Variants in MGAT4C observed in about 807,000 individuals in gnomAD.
MGAT4C encodes the protein MGAT4 family member C, also known as alpha-1,3-mannosyl-glycoprotein 4-beta-N-acetylglucosaminyltransferase C.
In MGAT4C, 19 loss-of-function variants were observed where a neutral mutation model predicts 40.1. That is an observed-to-expected ratio of 0.47 (90% CI 0.33 to 0.70). The LOEUF is 0.70. Among genes scored for constraint, MGAT4C ranks in the 30% least tolerant of loss-of-function variants. The probability of loss-of-function intolerance (pLI) is 0.02; values close to 1 mark genes in which losing one functional copy is unlikely to be tolerated. For synonymous variants in MGAT4C, 181 were observed against 187.1 expected, an observed-to-expected ratio of 0.97 and a Z score of 0.27; for missense variants, 491 against 563.2, an observed-to-expected ratio of 0.87 and a Z score of 1.30.
At chr12:86,580,333 C>A (rs990579567) in intron 2 of MGAT4C, among the ~76,000 whole-genome samples, 3 of 151,478 alleles carry the variant, frequency 2.0e-5, no homozygotes, top group African/African-American at 2.4e-5. Context: ...TATATTCCCT[C>A]TCTCTAGATT....
At chr12:86,727,382 G>T (rs1334008320) in intron 1 of MGAT4C, 1 of 152,006 alleles carries the variant, frequency 6.6e-6, no homozygotes, top group East Asian at 1.9e-4. Flanking sequence ...GTAGAGGAGT[G>T]TATATTTATC....
At chr12:86,396,920 T>A (rs1237363931) in intron 3 of MGAT4C, among the ~76,000 whole-genome samples, 1 of 8,548 alleles carries the variant, frequency 1.2e-4, no homozygotes, top group Non-Finnish European at 2.0e-4. Flanking sequence ...CTTCTTCTTT[T>A]TTCTTAATAC....
intron 2 of MGAT4C, among the ~76,000 whole-genome samples, chr12:86,589,968 A>G (rs1392385960): frequency 1.3e-5 from 2 of 151,952 alleles, no homozygotes; most frequent in African/African-American, 4.8e-5. Context: ...CAAAATACAA[A>G]ATGTAAACAT....
chr12:86,147,281 G>A (rs938099181), intron 1 of MGAT4C, among the ~76,000 whole-genome samples: 6 of 151,632 alleles, frequency 4.0e-5, no homozygotes, highest in East Asian at 1.9e-4. Context: ...TCGCTCTGTC[G>A]CCCAGGCTGG....
chr12:86,450,715 T>C (rs1266533089), intron 2 of MGAT4C, among the ~76,000 whole-genome samples: 4 of 151,974 alleles, frequency 2.6e-5, no homozygotes, highest in African/African-American at 9.7e-5. Context: ...CTTTTTCTAT[T>C]TTTCCTTCCT....
intron 1 of MGAT4C, among the ~76,000 whole-genome samples, chr12:86,248,218 C>G (rs1375460529): frequency 6.7e-6 from 1 of 149,358 alleles, no homozygotes; most frequent in Non-Finnish European, 1.5e-5. Context: ...TTCCTTCCTT[C>G]CTTCCTTCCT....
intron 2 of MGAT4C, among the ~76,000 whole-genome samples, chr12:86,537,460 T>C (rs1274419309): frequency 6.6e-6 from 1 of 152,014 alleles, no homozygotes; most frequent in Non-Finnish European, 1.5e-5. Flanking sequence ...ATACACAGTA[T>C]TGATAGTAAC....
chr12:86,678,778 C>A (rs1593106824), intron 2 of MGAT4C, among the ~76,000 whole-genome samples: 2 of 152,006 alleles, frequency 1.3e-5, no homozygotes, highest in Admixed American at 1.3e-4. Flanking sequence ...TTTATGGCTG[C>A]ATAGTATTCC....
At chr12:86,603,740 AC>A (rs1413963590) in intron 2 of MGAT4C, among the ~76,000 whole-genome samples, 1 of 132,546 alleles carries the variant, frequency 7.5e-6, no homozygotes, top group Non-Finnish European at 1.6e-5. Context: ...AATTATATAT[AC>A]TATATATTAT....
At chr12:86,187,090 C>T (rs934637704) in intron 1 of MGAT4C, among the ~76,000 whole-genome samples, 1 of 151,970 alleles carries the variant, frequency 6.6e-6, no homozygotes, top group Admixed American at 6.6e-5. Context: ...TTTTTTCATG[C>T]TCTATACGAG....
At chr12:86,770,836 G>C (rs1356317087) in intron 1 of MGAT4C, among the ~76,000 whole-genome samples, 1 of 152,040 alleles carries the variant, frequency 6.6e-6, no homozygotes, top group Non-Finnish European at 1.5e-5. Context: ...TGTTTTTCTA[G>C]AAATCTTTAG....
intron 1 of MGAT4C, among the ~76,000 whole-genome samples, chr12:86,809,085 G>A (rs1352544365): frequency 1.3e-5 from 2 of 151,970 alleles, no homozygotes; most frequent in Non-Finnish European, 2.9e-5. Flanking sequence ...GGGACATGAA[G>A]GACCTCTTCA....
chr12:86,109,100 T>C (rs1468417413), intron 1 of MGAT4C, among the ~76,000 whole-genome samples: 1 of 152,166 alleles, frequency 6.6e-6, no homozygotes, highest in Non-Finnish European at 1.5e-5. Context: ...AAATCAGCAC[T>C]ATTGATCATC....
intron 3 of MGAT4C, among the ~76,000 whole-genome samples, chr12:85,984,087 A>G (rs1247482611): frequency 3.9e-5 from 6 of 152,118 alleles, no homozygotes; most frequent in Non-Finnish European, 8.8e-5. Flanking sequence ...TGCCTGATTT[A>G]CTCTTCCTCA....
At chr12:86,488,810 G>A (rs370329972) in intron 2 of MGAT4C, among the ~76,000 whole-genome samples, 1 of 152,028 alleles carries the variant, frequency 6.6e-6, no homozygotes, top group African/African-American at 2.4e-5. Flanking sequence ...ATAAATGGTA[G>A]AATAAAATTA....
chr12:86,044,760 G>T (rs1451027526), intron 2 of MGAT4C, among the ~76,000 whole-genome samples: 3 of 152,062 alleles, frequency 2.0e-5, no homozygotes, highest in Non-Finnish European at 4.4e-5. Context: ...CTGCAAGTGG[G>T]CTCTGCCAGG....
intron 3 of MGAT4C, among the ~76,000 whole-genome samples, chr12:86,366,162 T>C (rs572360094): frequency 6.6e-6 from 1 of 152,314 alleles, no homozygotes; most frequent in South Asian, 2.1e-4. Flanking sequence ...CTATTGTAAA[T>C]GGGATTGTGT....
rs964836256 is a variant in MGAT4C, at chr12:85,972,466, A to G, written c.*6823T>C. ...AAAAAAGACTTTAGGAGTTTTAATT[A>G]TTTTTAATATATTGCTTCTTTATTA... On this transcript the variant is annotated 3_prime_UTR_variant, in exon 5 of 5. Coordinates refer to ENST00000611864, the MANE Select transcript of MGAT4C (RefSeq NM_001351288.2). 6.6e-6 allele frequency: 1 copy of G among 151,038 alleles called. No homozygotes were observed. The highest frequency in any genetic ancestry group is 1.5e-5 in the Non-Finnish European group (1 of 67,226). The allele number at this position is 151,038 out of a possible 1,614,324, so 9.4% of individuals were successfully genotyped here.
chr12:86,211,623 A>T lies in MGAT4C; in HGVS notation c.-57+44616T>A, dbSNP rs138226965. 2.1e-4 allele frequency among the ~76,000 whole-genome samples: 32 copies of T among 151,670 alleles called. No homozygotes were observed. In the East Asian group the frequency reaches 5.1e-3, roughly 24 times the overall value. On this transcript the variant is annotated intron_variant, in intron 1 of 4. Coordinates refer to ENST00000611864, the MANE Select transcript of MGAT4C (RefSeq NM_001351288.2). ...ACAAACAAACACAACCAATAAACAA[A>T]ATAAAAGCTTACATAGATTACAGCT...
Sources: gnomAD v4.1 joint callset for allele counts (sites outside exome capture counted in the v4.1 genomes callset) on GRCh38, gnomAD v4.1.1 for gene constraint, MANE v1.5 for transcripts, NCBI Gene and HGNC (gene_info 2026-07-23, HGNC 2026-07-21) for gene names.